PCCA: variants seen among roughly 807,000 people sequenced by gnomAD.
PCCA encodes propionyl-CoA carboxylase subunit alpha.
Under a neutral mutation model 101.3 loss-of-function variants are expected in PCCA, and 74 were observed. That is an observed-to-expected ratio of 0.73 (90% CI 0.61 to 0.89). The LOEUF is 0.89. Among genes scored for constraint, PCCA ranks in the 40% least tolerant of loss-of-function variants. The probability of loss-of-function intolerance (pLI) is 0.00; values close to 1 mark genes in which losing one functional copy is unlikely to be tolerated. For missense variants in PCCA, 891 were observed against 907.0 expected, an observed-to-expected ratio of 0.98 and a Z score of 0.23; for synonymous variants, 294 against 313.6, an observed-to-expected ratio of 0.94 and a Z score of 0.66.
At chr13:100,516,531 C>T (rs566411798) in intron 22 of PCCA, among the ~76,000 whole-genome samples, 41 of 152,258 alleles carry the variant, frequency 2.7e-4, no homozygotes, top group Non-Finnish European at 4.9e-4. Flanking sequence ...AACTAATATG[C>T]GAAGTTAGAA....
chr13:100,165,234 T>A (rs749987657), intron 6 of PCCA, among the ~76,000 whole-genome samples: 1 of 152,212 alleles, frequency 6.6e-6, no homozygotes, highest in Admixed American at 6.5e-5. Context: ...GTTTAACTTT[T>A]TGAGGTTCTG....
chr13:100,516,912 T>G (rs941135054), intron 22 of PCCA, among the ~76,000 whole-genome samples: 1 of 152,186 alleles, frequency 6.6e-6, no homozygotes, highest in Non-Finnish European at 1.5e-5. Context: ...GATATGTAGG[T>G]TCGTAAACAA....
intron 6 of PCCA, among the ~76,000 whole-genome samples, chr13:100,206,067 T>C (rs1165197582): frequency 6.6e-6 from 1 of 152,182 alleles, no homozygotes; most frequent in Non-Finnish European, 1.5e-5. Flanking sequence ...GCATAAGATT[T>C]TTTTTTTCCA....
intron 21 of PCCA, among the ~76,000 whole-genome samples, chr13:100,496,233 C>T (rs971655044): frequency 2.6e-5 from 4 of 152,176 alleles, no homozygotes; most frequent in Admixed American, 6.5e-5. Context: ...TGCCAGTTTA[C>T]TCACTACAAA....
At chr13:100,469,773 C>G (rs1222855844) in intron 21 of PCCA, among the ~76,000 whole-genome samples, 2 of 148,544 alleles carry the variant, frequency 1.3e-5, no homozygotes, top group Non-Finnish European at 2.9e-5. Context: ...GAGTTAGGCT[C>G]TGTCTCAAAA....
In PCCA at chr13:100,337,005, TTC is replaced by T. The variant is rs374547884; in HGVS notation, c.1541-3148_1541-3147del. On this transcript the variant is annotated intron_variant, in intron 17 of 23. Transcript: ENST00000376285. Reference sequence around the variant, plus strand: ...ATGCACCCAGCAGCACCTCTCAGTCTTCTCTGTCGGGGTTGGGGGAGAGGGTA... The same window carrying T: ...ATGCACCCAGCAGCACCTCTCAGTCTTCTGTCGGGGTTGGGGGAGAGGGTA... Among the ~76,000 whole-genome samples, 385 of 152,274 alleles carry T rather than the reference TTC, an allele frequency of 2.5e-3. 4 individuals carry two copies. In the South Asian group the frequency reaches 0.028, roughly 11 times the overall value.
chr13:100,423,376 C>G (rs2078950309), intron 19 of PCCA, among the ~76,000 whole-genome samples: 1 of 152,214 alleles, frequency 6.6e-6, no homozygotes. Context: ...TTGGCCTATA[C>G]TTCCATCTAG....
chr13:100,525,479 C>T (rs887533116), intron 22 of PCCA, among the ~76,000 whole-genome samples: 2 of 152,274 alleles, frequency 1.3e-5, no homozygotes, highest in Admixed American at 6.5e-5. Flanking sequence ...CACCCACTTG[C>T]TCCCAGGCCC....
chr13:100,508,165 T>C (rs2086221618), intron 21 of PCCA, among the ~76,000 whole-genome samples: 1 of 152,136 alleles, frequency 6.6e-6, no homozygotes, highest in Admixed American at 6.5e-5. Flanking sequence ...ATACACACAG[T>C]CTTACCCATT....
chr13:100,090,615 C>G (rs1373878550), intron 1 of PCCA, among the ~76,000 whole-genome samples: 1 of 152,160 alleles, frequency 6.6e-6, no homozygotes, highest in African/African-American at 2.4e-5. Flanking sequence ...AAATTTTACT[C>G]TAGTAGGGAG....
chr13:100,351,556 T>G (rs559994409), intron 18 of PCCA, among the ~76,000 whole-genome samples: 1 of 152,314 alleles, frequency 6.6e-6, no homozygotes, highest in African/African-American at 2.4e-5. Flanking sequence ...TTTCTATATT[T>G]GTATATATGA....
At chr13:100,092,024 G>A (rs887484174) in intron 1 of PCCA, among the ~76,000 whole-genome samples, 1 of 151,646 alleles carries the variant, frequency 6.6e-6, no homozygotes, top group African/African-American at 2.4e-5. Context: ...GGGTTCAAGT[G>A]ATTCCCTTGC....
At chr13:100,502,820 G>C (rs1227902093) in intron 21 of PCCA, among the ~76,000 whole-genome samples, 2 of 152,218 alleles carry the variant, frequency 1.3e-5, no homozygotes, top group African/African-American at 2.4e-5. Flanking sequence ...GTTACATGCA[G>C]ATAACAAGTC....
At chr13:100,143,280 A>G (rs1050809918) in intron 4 of PCCA, among the ~76,000 whole-genome samples, 2 of 152,164 alleles carry the variant, frequency 1.3e-5, no homozygotes, top group Admixed American at 6.5e-5. Flanking sequence ...CTGTAATCCC[A>G]GCATTTTGGG....
chr13:100,174,170 T>C (rs1044046806), intron 6 of PCCA, among the ~76,000 whole-genome samples: 2 of 152,046 alleles, frequency 1.3e-5, no homozygotes, highest in African/African-American at 4.8e-5. Context: ...TTTATAGATG[T>C]AGAAATAATA....
intron 18 of PCCA, among the ~76,000 whole-genome samples, chr13:100,362,206 G>T (rs1339415405): frequency 6.6e-6 from 1 of 152,192 alleles, no homozygotes; most frequent in East Asian, 1.9e-4. Flanking sequence ...ACTGTTAGTG[G>T]CAGGCAGAGC....
chr13:100,453,417 G>A (rs1449373411), intron 21 of PCCA, among the ~76,000 whole-genome samples: 3 of 151,822 alleles, frequency 2.0e-5, no homozygotes, highest in African/African-American at 4.8e-5. Flanking sequence ...CAGGAGAATC[G>A]CTTGAACCTT....
intron 9 of PCCA, among the ~76,000 whole-genome samples, chr13:100,258,308 ACTT>A (rs928544320): frequency 5.9e-5 from 9 of 152,322 alleles, no homozygotes; most frequent in African/African-American, 1.9e-4. Flanking sequence ...CTGAGTCTTC[ACTT>A]CTTCATGAGA....
intron 21 of PCCA, among the ~76,000 whole-genome samples, chr13:100,456,007 A>T (rs1358843930): frequency 6.6e-6 from 1 of 152,134 alleles, no homozygotes; most frequent in Non-Finnish European, 1.5e-5. Context: ...GCCATATGCA[A>T]TAGTTTCTTT....
Sources: gnomAD v4.1 joint callset for allele counts (sites outside exome capture counted in the v4.1 genomes callset) on GRCh38, gnomAD v4.1.1 for gene constraint, MANE v1.5 for transcripts, NCBI Gene and HGNC (gene_info 2026-07-23, HGNC 2026-07-21) for gene names.